SCN4A: variants seen among roughly 807,000 people sequenced by gnomAD.
SCN4A encodes sodium voltage-gated channel alpha subunit 4.
In SCN4A, 83 loss-of-function variants were observed where a neutral mutation model predicts 162.0. That is an observed-to-expected ratio of 0.51 (90% CI 0.43 to 0.61). The LOEUF is 0.61. Among genes scored for constraint, SCN4A ranks in the 20% least tolerant of loss-of-function variants. The pLI is 0.00. For synonymous variants in SCN4A, 944 were observed against 985.1 expected, an observed-to-expected ratio of 0.96 and a Z score of 0.78; for missense variants, 2,196 against 2,462.5, an observed-to-expected ratio of 0.89 and a Z score of 2.29.
At chr17:63,956,002 C>T (rs536537634) in intron 13 of SCN4A, among the ~76,000 whole-genome samples, 1 of 152,350 alleles carries the variant, frequency 6.6e-6, no homozygotes, top group East Asian at 1.9e-4. Flanking sequence ...GGGCACAGCA[C>T]TGCAGGGCTC....
chr17:63,960,882 T>A (rs77564434), intron 11 of SCN4A, among the ~76,000 whole-genome samples: 2 of 149,994 alleles, frequency 1.3e-5, no homozygotes, highest in Non-Finnish European at 3.0e-5. Context: ...CACACCCCCA[T>A]TTCCTCACCC....
In SCN4A at chr17:63,944,756, T is replaced by A. The variant is rs776750130; in HGVS notation, c.3829A>T (p.Ile1277Phe). ...AAGAAGGAGCCAAAGATGATGAAGA[T>A]GACAAAGTAGAGGTACATGTAGAGG... ...VNLYMYLYFV[I>F]FIIFGSFFTL... The change falls in exon 21 of 24, where the codon ATC becomes TTC. Residue 1277 changes from isoleucine (I) to phenylalanine (F), a missense_variant. Ile to Phe is a conservative substitution (Grantham distance 21). Coordinates refer to ENST00000435607, the MANE Select transcript of SCN4A (RefSeq NM_000334.4). This position sits in a 1 kb window ranked among gnomAD's most constrained non-coding sequence, Gnocchi z 4.3. The A allele has an allele frequency of 2.5e-5, 40 of 1,613,722 alleles. No homozygotes were observed. The highest frequency in any genetic ancestry group is 3.2e-5 in the Non-Finnish European group (38 of 1,179,862).
Position 63,940,111 on chromosome 17 carries a change from G to A in SCN4A, c.*660C>T, listed in dbSNP as rs1269051383. The A allele has an allele frequency of 6.6e-6, 1 of 152,256 alleles. No homozygotes were observed. The highest frequency in any genetic ancestry group is 1.5e-5 in the Non-Finnish European group (1 of 68,062). 9.4% of individuals were successfully genotyped at this position (152,256 alleles called of 1,614,324 possible). On this transcript the variant is annotated 3_prime_UTR_variant, in exon 24 of 24. Coordinates refer to ENST00000435607, the MANE Select transcript of SCN4A (RefSeq NM_000334.4). ...GGACGTGGCCTAGGAAGAGGTTTCA[G>A]GAGTCACCATCCCAGCCCAAAGCAG... is the stretch of plus-strand genomic sequence containing the variant.
chr17:63,948,088 TG>T, intron 16 of SCN4A, 25 bp from the exon 17 acceptor site: 1 of 1,575,798 alleles, frequency 6.3e-7, no homozygotes, highest in Non-Finnish European at 8.7e-7. Flanking sequence ...ACCACCAGGG[TG>T]GCTGGGGTCC....
chr17:63,959,171 T>C (rs1909165168), intron 12 of SCN4A, 94 bp downstream of exon 12: 3 of 1,172,904 alleles, frequency 2.6e-6, no homozygotes, highest in South Asian at 1.5e-5. Flanking sequence ...GCCCTCTAGC[T>C]TCCTGGGGTT....
chr17:63,959,107 G>A (rs1909163284), intron 12 of SCN4A, among the ~76,000 whole-genome samples, 158 bp downstream of exon 12: 1 of 152,278 alleles, frequency 6.6e-6, no homozygotes, highest in African/African-American at 2.4e-5. Flanking sequence ...TTACAGGTAA[G>A]AAAGGTTCTG....
At chr17:63,955,856 C>CA (rs796260015) in intron 13 of SCN4A, among the ~76,000 whole-genome samples, 3 of 152,344 alleles carry the variant, frequency 2.0e-5, no homozygotes, top group African/African-American at 7.2e-5. Context: ...GTGCTGCCCC[C>CA]AGCCAGAGAT....
rs1908650836 is a variant in SCN4A at position 63,944,583 on chromosome 17, G to A, written c.3912+90C>T. 4.2e-6 allele frequency: 6 copies of A among 1,422,536 alleles called. No individual in the cohort carries two copies. The African/African-American group carries it at 4.3e-5, about 10-fold the overall frequency. The allele number at this position is 1,422,536 out of a possible 1,614,324, so 88.1% of individuals were successfully genotyped here. A position where few individuals can be genotyped will look rare whatever the true frequency, so the allele number is the denominator to read the frequency against. On this transcript the variant is annotated intron_variant, in intron 21 of 23. Transcript: ENST00000435607. This position sits in a 1 kb window ranked among gnomAD's most constrained non-coding sequence, Gnocchi z 4.3. ...ACAACCTGGTAGGTGCTCAGGCAGC[G>A]TTTGTGGGTTTGTGCAATGGAGAGT... is the stretch of plus-strand genomic sequence containing the variant.
At position 63,950,801 on chromosome 17, in the gene SCN4A, T is replaced by A. The variant is rs941816129; in HGVS notation, c.2853+623A>T. Among the ~76,000 whole-genome samples, 2 of 152,170 alleles carry A rather than the reference T, an allele frequency of 1.3e-5. No homozygotes were observed. Among genetic ancestry groups the A allele is most frequent in the African/African-American group, 4.8e-5 (2 of 41,448 alleles). ...CTGCGTTCCTGTCCCTTCCTCGACC[T>A]CGCAGTGGAGGGGTGGGGAGGGGCA... On this transcript the variant is annotated intron_variant, in intron 14 of 23. Coordinates refer to ENST00000435607, the MANE Select transcript of SCN4A (RefSeq NM_000334.4). This position sits in a 1 kb window ranked among gnomAD's most constrained non-coding sequence, Gnocchi z 4.6.
intron 13 of SCN4A, among the ~76,000 whole-genome samples, chr17:63,956,498 G>A (rs912726997): frequency 6.6e-6 from 1 of 152,178 alleles, no homozygotes; most frequent in African/African-American, 2.4e-5. Context: ...CTCCTAAAGT[G>A]CTGGGACTAT....
chr17:63,939,766 G>C lies in SCN4A; in HGVS notation c.*1005C>G, dbSNP rs552038212. 1 of 152,306 alleles carries C rather than the reference G, an allele frequency of 6.6e-6. No individual in the cohort carries two copies. The highest frequency in any genetic ancestry group is 6.5e-5 in the Admixed American group (1 of 15,286). The allele number at this position is 152,306 out of a possible 1,614,324, so 9.4% of individuals were successfully genotyped here. ...CATTCTTAGGATCACTTTGGGGAGAGAGGTGGGAAAGGTGAGAAAGAGACG... is the reference window on the plus strand; with the variant it reads ...CATTCTTAGGATCACTTTGGGGAGACAGGTGGGAAAGGTGAGAAAGAGACG... On this transcript the variant is annotated 3_prime_UTR_variant, in exon 24 of 24. Transcript: ENST00000435607.
rs1211466664 is a variant in SCN4A at position 63,972,859 on chromosome 17, A to G, written c.-18T>C. 6.3e-7 allele frequency: 1 copy of G among 1,591,838 alleles called. No individual in the cohort carries two copies. ...CTGGCCATCCTCGCATCCTGGGCTC[A>G]GAGACCAGAAGGGTGGTGGGTGGCC... On this transcript the variant is annotated 5_prime_UTR_variant, in exon 1 of 24. Coordinates refer to ENST00000435607, the MANE Select transcript of SCN4A (RefSeq NM_000334.4). This position sits in a 1 kb window ranked among gnomAD's most constrained non-coding sequence, Gnocchi z 4.3.
At position 63,944,038 on chromosome 17, in the gene SCN4A, G is replaced by A. The variant is rs1476122896; in HGVS notation, c.3913-188C>T. Among the ~76,000 whole-genome samples the A allele has an allele frequency of 6.6e-6, 1 of 152,156 alleles. No homozygotes were observed. Among genetic ancestry groups the A allele is most frequent in the Admixed American group, 6.5e-5 (1 of 15,278 alleles). ...GCGGGACCGAGGAGAAGGGAGGGAA[G>A]GGGAGTGGGGATCAATGCTGTCTTG... On this transcript the variant is annotated intron_variant, in intron 21 of 23. Transcript: ENST00000435607. This position sits in a 1 kb window ranked among gnomAD's most constrained non-coding sequence, Gnocchi z 4.3.
chr17:63,964,817 T>C (rs952293890), intron 8 of SCN4A, 140 bp from the exon 9 acceptor site: 1 of 661,146 alleles, frequency 1.5e-6, no homozygotes, highest in African/African-American at 1.8e-5. Context: ...ATGGCCGTCA[T>C]TGGCATGCTG....
rs201199086 is a variant in SCN4A, at chr17:63,961,385, G to A, written c.1653C>T (p.Cys551=). 6.7e-4 allele frequency: 1,078 copies of A among 1,613,688 alleles called. 1 individual carries two copies. Among genetic ancestry groups the A allele is most frequent in the Middle Eastern group, 9.9e-4 (6 of 6,084 alleles). Residue 551 remains cysteine, a synonymous_variant, in exon 11 of 24, where the codon TGC becomes TGT. Coordinates refer to ENST00000435607, the MANE Select transcript of SCN4A (RefSeq NM_000334.4). ...AGTTCCATATGAGCACTTTGTGGGC[G>A]CACTTGTACCACCATGGTGGGCACT... ...HQKCPPWWYK[C]AHKVLIWNCC...
chr17:63,960,042 G>A (rs1409615246), intron 11 of SCN4A, among the ~76,000 whole-genome samples: 1 of 152,234 alleles, frequency 6.6e-6, no homozygotes, highest in Admixed American at 6.5e-5. Context: ...CAAAATCAGT[G>A]AGAAGAAGAC....
At chr17:63,969,799 C>T (rs1022568900) in intron 5 of SCN4A, among the ~76,000 whole-genome samples, 8 of 151,992 alleles carry the variant, frequency 5.3e-5, no homozygotes, top group South Asian at 2.1e-4. Context: ...CATGCCACCA[C>T]GCCCAGCTAA....
At chr17:63,958,810 C>T (rs192497812) in intron 12 of SCN4A, among the ~76,000 whole-genome samples, 392 of 152,338 alleles carry the variant, frequency 2.6e-3, no homozygotes, top group Middle Eastern at 0.014. Flanking sequence ...GCCTTGGCCT[C>T]CCAAAGTGTT....
At chr17:63,963,971 G>A (rs1342999078) in intron 9 of SCN4A, 146 bp from the exon 10 acceptor site, 2 of 731,298 alleles carry the variant, frequency 2.7e-6, no homozygotes, top group African/African-American at 1.8e-5. Context: ...GTGGGGGAGG[G>A]ACCAACCTCC....
Sources: allele counts gnomAD v4.1 joint callset (sites outside exome capture counted in the v4.1 genomes callset), GRCh38; gene constraint gnomAD v4.1.1; non-coding constraint Gnocchi (gnomAD v3.1); transcripts MANE v1.5; gene names NCBI Gene and HGNC (gene_info 2026-07-23, HGNC 2026-07-21).